Variants in PDE6A observed in about 807,000 individuals in gnomAD.
PDE6A encodes the protein phosphodiesterase 6A, also known as rod cGMP-specific 3',5'-cyclic phosphodiesterase subunit alpha.
In PDE6A, 84 loss-of-function variants were observed where a neutral mutation model predicts 106.3. That is an observed-to-expected ratio of 0.79 (90% CI 0.66 to 0.95). The LOEUF (loss-of-function observed/expected upper bound fraction) is 0.95, where lower values mean the gene tolerates loss of function less well. Ranked by LOEUF, PDE6A falls within the 40% of genes least tolerant of loss-of-function variation. The pLI, the probability that PDE6A is intolerant of heterozygous loss-of-function variation, is 0.00. For missense variants in PDE6A, 1,052 were observed against 1,084.9 expected, an observed-to-expected ratio of 0.97 and a Z score of 0.43; for synonymous variants, 394 against 386.6, an observed-to-expected ratio of 1.02 and a Z score of -0.23.
At chr5:149,882,250 C>T (rs1313685001) in intron 17 of PDE6A, among the ~76,000 whole-genome samples, 1 of 151,860 alleles carries the variant, frequency 6.6e-6, no homozygotes, top group Admixed American at 6.6e-5. Flanking sequence ...TGGCAACTTG[C>T]TGCTGCCCCC....
intron 7 of PDE6A, among the ~76,000 whole-genome samples, chr5:149,906,519 C>CAAAAGAAAAAAAAAAAAAAAAA (rs1753188848): frequency 1.8e-5 from 1 of 54,204 alleles, no homozygotes; most frequent in Non-Finnish European, 4.0e-5. Context: ...GAGACACTGT[C>CAAAAGAAAAAAAAAAAAAAAAA]AAAAAAAAAA....
chr5:149,901,381 A>C (rs917195343), intron 8 of PDE6A, among the ~76,000 whole-genome samples: 1 of 152,128 alleles, frequency 6.6e-6, no homozygotes, highest in Non-Finnish European at 1.5e-5. Context: ...ATAAAAAATT[A>C]GCTGAGAATG....
intron 1 of PDE6A, among the ~76,000 whole-genome samples, chr5:149,938,963 G>A (rs1299902618): frequency 6.6e-6 from 1 of 151,936 alleles, no homozygotes; most frequent in East Asian, 1.9e-4. Context: ...ATCACTTTTT[G>A]GTGGTCCAGA....
intron 17 of PDE6A, among the ~76,000 whole-genome samples, chr5:149,880,563 A>T (rs1470418097): frequency 5.9e-5 from 9 of 151,574 alleles, no homozygotes; most frequent in African/African-American, 2.2e-4. Flanking sequence ...TACAAAAAAA[A>T]TTAGCCGGGC....
chr5:149,902,766 G>A (rs1753027288), intron 8 of PDE6A, among the ~76,000 whole-genome samples: 1 of 151,450 alleles, frequency 6.6e-6, no homozygotes, highest in Admixed American at 6.6e-5. Flanking sequence ...AGCTTGCAGT[G>A]AGCCGAGATC....
intron 1 of PDE6A, among the ~76,000 whole-genome samples, chr5:149,936,713 A>AT (rs1444982029): frequency 6.6e-6 from 1 of 152,204 alleles, no homozygotes; most frequent in Non-Finnish European, 1.5e-5. Flanking sequence ...ATGTCACAGA[A>AT]TCTCAGATTA....
At chr5:149,922,132 A>G (rs1486385382) in intron 4 of PDE6A, among the ~76,000 whole-genome samples, 1 of 152,146 alleles carries the variant, frequency 6.6e-6, no homozygotes, top group Non-Finnish European at 1.5e-5. Flanking sequence ...GGACTTATTA[A>G]ATCAATTATG....
At chr5:149,870,958 GAAAAGA>G (rs1760527170) in intron 17 of PDE6A, among the ~76,000 whole-genome samples, 1 of 151,418 alleles carries the variant, frequency 6.6e-6, no homozygotes, top group African/African-American at 2.4e-5. Flanking sequence ...GAAAAGAAAA[GAAAAGA>G]AAAAAAGAAC....
chr5:149,864,042 A>AG (rs1289131622), intron 20 of PDE6A, among the ~76,000 whole-genome samples: 1 of 151,992 alleles, frequency 6.6e-6, no homozygotes, highest in African/African-American at 2.4e-5. Flanking sequence ...CCCCATTGGA[A>AG]GCTCCCAAAG....
intron 1 of PDE6A, among the ~76,000 whole-genome samples, chr5:149,941,267 T>C (rs182643919): frequency 1.7e-3 from 266 of 152,284 alleles, no homozygotes; most frequent in African/African-American, 6.2e-3. Flanking sequence ...CCAGGGCTTA[T>C]TATGAGAAAT....
At position 149,876,992 on chromosome 5, in the gene PDE6A, T is replaced by G. The variant is rs1421186427; in HGVS notation, c.2135+6437A>C. ...TAATATGATTCTGTTGAGAGACTATTGACCAAATAAAAAAGAAAGAAAAAA... is the reference window on the plus strand; with the variant it reads ...TAATATGATTCTGTTGAGAGACTATGGACCAAATAAAAAAGAAAGAAAAAA... On this transcript the variant is annotated intron_variant, in intron 17 of 21. Transcript: ENST00000255266. Among the ~76,000 whole-genome samples the G allele has an allele frequency of 5.3e-5, 8 of 151,388 alleles. No individual in the cohort carries two copies. In the East Asian group the frequency reaches 1.4e-3, roughly 26 times the overall value.
intron 4 of PDE6A, among the ~76,000 whole-genome samples, chr5:149,928,229 A>ATTTTTTTTTTTTTTTTTTT (rs1450276110): frequency 3.9e-5 from 1 of 25,474 alleles, no homozygotes; most frequent in Non-Finnish European, 7.0e-5. Context: ...ATATATATAT[A>ATTTTTTTTTTTTTTTTTTT]TATTTTTTTT....
chr5:149,882,360 G>C (rs923372594), intron 17 of PDE6A, among the ~76,000 whole-genome samples: 3 of 151,944 alleles, frequency 2.0e-5, no homozygotes, highest in African/African-American at 7.3e-5. Flanking sequence ...AAGCATCTGG[G>C]GATAAACAAA....
intron 13 of PDE6A, among the ~76,000 whole-genome samples, chr5:149,888,624 T>C (rs958007298): frequency 5.9e-5 from 9 of 151,666 alleles, no homozygotes; most frequent in African/African-American, 2.2e-4. Context: ...TTTATTTTGT[T>C]AAGGGTGAAA....
rs779802346 is a variant in PDE6A, at chr5:149,896,793, T to C, written c.1408-17A>G. 4 of 1,614,018 alleles carry C rather than the reference T, an allele frequency of 2.5e-6. No homozygotes were observed. Among genetic ancestry groups the C allele is most frequent in the Non-Finnish European group, 2.5e-6 (3 of 1,179,986 alleles). ...TCTGGTTTTCTGCCAGGACCCAAAA[T>C]GGCAGGGGAAAAAAAATAGGTTACA... is the stretch of plus-strand genomic sequence containing the variant. On this transcript the variant is annotated splice_polypyrimidine_tract_variant and intron_variant, in intron 10 of 21. Coordinates refer to ENST00000255266, the MANE Select transcript of PDE6A (RefSeq NM_000440.3).
intron 17 of PDE6A, among the ~76,000 whole-genome samples, chr5:149,876,255 G>A (rs1760734528): frequency 1.3e-5 from 2 of 149,686 alleles, no homozygotes; most frequent in Non-Finnish European, 3.0e-5. Flanking sequence ...AACAATATAG[G>A]GTGGATTTTT....
Position 149,860,637 on chromosome 5 carries a change from AT to A in PDE6A, c.*257del, listed in dbSNP as rs886060214. 5,824 of 339,636 alleles carry A rather than the reference AT, an allele frequency of 0.017. 4 individuals are homozygous for A. The highest frequency in any genetic ancestry group is 0.02 in the Non-Finnish European group (3,796 of 187,486). The allele number at this position is 339,636 out of a possible 1,614,324, so 21.0% of individuals were successfully genotyped here. A position where few individuals can be genotyped will look rare whatever the true frequency, so the allele number is the denominator to read the frequency against. On this transcript the variant is annotated 3_prime_UTR_variant, in exon 22 of 22. Coordinates refer to ENST00000255266, the MANE Select transcript of PDE6A (RefSeq NM_000440.3). ...ATAAACTTTCTTAAAACATTATGAAATTTTTTTTTTTGGCGATTTTTTTTTT... is the reference window on the plus strand; with the variant it reads ...ATAAACTTTCTTAAAACATTATGAAATTTTTTTTTTGGCGATTTTTTTTTT...
At chr5:149,893,040 T>A (rs533893552) in intron 13 of PDE6A, among the ~76,000 whole-genome samples, 1 of 152,184 alleles carries the variant, frequency 6.6e-6, no homozygotes, top group African/African-American at 2.4e-5. Flanking sequence ...TTTTATAAAC[T>A]CTGACGTGAC....
At chr5:149,875,487 A>ATT (rs201444448) in intron 17 of PDE6A, among the ~76,000 whole-genome samples, 4,758 of 137,804 alleles carry the variant, frequency 0.035, 103 homozygotes, top group Admixed American at 0.052. Context: ...CATACTGACT[A>ATT]TTTTTTTTTT....
Sources: allele counts gnomAD v4.1 joint callset (sites outside exome capture counted in the v4.1 genomes callset), GRCh38; gene constraint gnomAD v4.1.1; transcripts MANE v1.5; gene names NCBI Gene and HGNC (gene_info 2026-07-23, HGNC 2026-07-21).